Variants in CFTR observed in about 807,000 individuals in gnomAD.
The protein encoded by CFTR is CF transmembrane conductance regulator.
CFTR carries 181 observed loss-of-function variants against 171.6 expected under a neutral mutation model. The observed-to-expected ratio is 1.05, with a 90% CI of 0.93 to 1.19. The LOEUF (loss-of-function observed/expected upper bound fraction) is 1.19. CFTR is among the 50% of genes most tolerant of loss of function. The probability of loss-of-function intolerance (pLI) is 0.00; values close to 1 mark genes in which losing one functional copy is unlikely to be tolerated. For missense variants in CFTR, 1,968 were observed against 1,734.7 expected, an observed-to-expected ratio of 1.13 and a Z score of -2.39; for synonymous variants, 583 against 608.0, an observed-to-expected ratio of 0.96 and a Z score of 0.60.
chr7:117,590,731 T>C (rs1792013481), intron 13 of CFTR, among the ~76,000 whole-genome samples: 1 of 152,094 alleles, frequency 6.6e-6, no homozygotes, highest in Non-Finnish European at 1.5e-5. Flanking sequence ...CCTTGTGATA[T>C]ATATTACTTT....
intron 9 of CFTR, 33 bp from the exon 10 acceptor site, chr7:117,548,608 G>GA (rs1799207266): frequency 3.3e-6 from 2 of 601,882 alleles, no homozygotes; most frequent in African/African-American, 5.8e-5. Flanking sequence ...TATTTTTGAT[G>GA]TGTGTGTGTG....
chr7:117,627,821 C>T, intron 22 of CFTR, 51 bp downstream of exon 22: 1 of 1,582,400 alleles, frequency 6.3e-7, no homozygotes, highest in South Asian at 1.1e-5. Context: ...GTAAGTGAAT[C>T]CCAGTAGCCT....
chr7:117,591,456 G>T (rs1376393522), intron 13 of CFTR, among the ~76,000 whole-genome samples: 1 of 151,984 alleles, frequency 6.6e-6, no homozygotes, highest in African/African-American at 2.4e-5. Flanking sequence ...TAGTGAAACA[G>T]ATTAGTCTTA....
chr7:117,612,035 A>ATG lies in CFTR; in HGVS notation c.3367+228_3367+229insGT, dbSNP rs1389547129. Among the ~76,000 whole-genome samples, 22 of 74,236 alleles carry ATG rather than the reference A, an allele frequency of 3.0e-4. 1 individual carries two copies. The highest frequency in any genetic ancestry group is 4.7e-4 in the Non-Finnish European group (17 of 36,032). 48.7% of individuals were successfully genotyped at this position (74,236 alleles called of 152,430 possible). On this transcript the variant is annotated intron_variant, in intron 20 of 26. Transcript: ENST00000003084. ...TATATATATATATGTATATATATAT[A>ATG]TATATATATATATATATACATATAT...
Position 117,663,275 on chromosome 7 carries a change from C to T in CFTR, c.3964-1413C>T, listed in dbSNP as rs528797792. Among the ~76,000 whole-genome samples, 4 of 152,264 alleles carry T rather than the reference C, an allele frequency of 2.6e-5. No individual in the cohort carries two copies. Among genetic ancestry groups the T allele is most frequent in the Non-Finnish European group, 4.4e-5 (3 of 68,006 alleles). ...AACTCCCTGCCCAGTGCCCTTTATTCATATTCTCAGCACTTGTATTTCTAA... is the reference window on the plus strand; with the variant it reads ...AACTCCCTGCCCAGTGCCCTTTATTTATATTCTCAGCACTTGTATTTCTAA... On this transcript the variant is annotated intron_variant, in intron 24 of 26. Coordinates refer to ENST00000003084, the MANE Select transcript of CFTR (RefSeq NM_000492.4).
At chr7:117,622,259 T>C (rs1430130449) in intron 21 of CFTR, among the ~76,000 whole-genome samples, 2 of 152,188 alleles carry the variant, frequency 1.3e-5, no homozygotes, top group Non-Finnish European at 2.9e-5. Context: ...TGTGGAAACA[T>C]AGACCAGAGT....
rs397508724 is a variant in CFTR, at chr7:117,531,097, A to G, written c.472A>G (p.Ser158Gly). The G allele has an allele frequency of 4.3e-6, 7 of 1,612,728 alleles. No homozygotes were observed. The highest frequency in any genetic ancestry group is 1.3e-5 in the African/African-American group (1 of 74,912). ...IGMQMRIAMF[S>G]LIYKKTLKLS... is the part of the protein sequence containing the mutation. Reference sequence around the variant, plus strand: ...AATGCAGATGAGAATAGCTATGTTTAGTTTGATTTATAAGAAGGTAATACT... The same window carrying G: ...AATGCAGATGAGAATAGCTATGTTTGGTTTGATTTATAAGAAGGTAATACT... The change falls in exon 4 of 27, where the codon AGT becomes GGT. Residue 158 changes from serine (S) to glycine (G), a missense_variant. Coordinates refer to ENST00000003084, the MANE Select transcript of CFTR (RefSeq NM_000492.4).
chr7:117,542,738 A>C (rs556883938), intron 9 of CFTR, among the ~76,000 whole-genome samples: 2 of 152,264 alleles, frequency 1.3e-5, no homozygotes, highest in East Asian at 3.9e-4. Context: ...AATCTAAGTC[A>C]AGTTACTGAA....
intron 14 of CFTR, among the ~76,000 whole-genome samples, chr7:117,593,706 C>T (rs1224695141): frequency 1.3e-5 from 2 of 152,146 alleles, no homozygotes; most frequent in East Asian, 3.9e-4. Context: ...AGCTAATCTC[C>T]TGCCTCAGCC....
intron 22 of CFTR, among the ~76,000 whole-genome samples, chr7:117,637,564 C>T (rs1442964087): frequency 6.6e-6 from 1 of 151,978 alleles, no homozygotes; most frequent in African/African-American, 2.4e-5. Context: ...CTTTTGAGGG[C>T]AGGCATTGTT....
intron 23 of CFTR, among the ~76,000 whole-genome samples, chr7:117,646,816 A>G (rs1435954079): frequency 6.6e-6 from 1 of 152,092 alleles, no homozygotes; most frequent in Non-Finnish European, 1.5e-5. Context: ...GTACAATGCA[A>G]TTTTATTATT....
chr7:117,567,793 C>T (rs577928587), intron 11 of CFTR, among the ~76,000 whole-genome samples: 1 of 152,214 alleles, frequency 6.6e-6, no homozygotes, highest in African/African-American at 2.4e-5. Flanking sequence ...AATCCCTGTC[C>T]TCAAGGAGCT....
chr7:117,538,291 G>C (rs965069858), intron 7 of CFTR, among the ~76,000 whole-genome samples: 1 of 152,136 alleles, frequency 6.6e-6, no homozygotes, highest in East Asian at 1.9e-4. Flanking sequence ...GCTGTGCAAA[G>C]CTCTCTGAAA....
chr7:117,558,084 A>G (rs917217430), intron 10 of CFTR, among the ~76,000 whole-genome samples: 13 of 151,838 alleles, frequency 8.6e-5, no homozygotes, highest in Non-Finnish European at 1.5e-5. Flanking sequence ...CTAATTTTGT[A>G]AATTTGTTTC....
chr7:117,663,422 T>C (rs1347893243), intron 24 of CFTR, among the ~76,000 whole-genome samples: 1 of 151,888 alleles, frequency 6.6e-6, no homozygotes, highest in African/African-American at 2.4e-5. Flanking sequence ...CAAGGTGAGA[T>C]TACTTTAATG....
At chr7:117,520,368 A>G (rs1798667209) in intron 3 of CFTR, among the ~76,000 whole-genome samples, 1 of 147,238 alleles carries the variant, frequency 6.8e-6, no homozygotes, top group Non-Finnish European at 1.5e-5. Flanking sequence ...TTATTCTTTT[A>G]TAAAGGCCCA....
chr7:117,611,389 A>G (rs1294161586), intron 19 of CFTR, among the ~76,000 whole-genome samples, 192 bp from the exon 20 acceptor site: 1 of 152,174 alleles, frequency 6.6e-6, no homozygotes, highest in Non-Finnish European at 1.5e-5. Context: ...AAGTAAAAAA[A>G]GAGGGTAACT....
chr7:117,592,573 G>T lies in CFTR; in HGVS notation c.2406G>T (p.Leu802Phe). 6.6e-7 allele frequency: 1 copy of T among 1,524,472 alleles called. No homozygotes were observed. Among genetic ancestry groups the T allele is most frequent in the South Asian group, 1.3e-5 (1 of 74,214 alleles). 94.4% of individuals were successfully genotyped at this position (1,524,472 alleles called of 1,614,324 possible). A position where few individuals can be genotyped will look rare whatever the true frequency, so the allele number is the denominator to read the frequency against. ...RKVSLAPQAN[L>F]TELDIYSRRL... ...TGTCACTGGCCCCTCAGGCAAACTT[G>T]ACTGAACTGGATATATATTCAAGAA... The change falls in exon 14 of 27, where the codon TTG becomes TTT. Residue 802 changes from leucine to phenylalanine, a missense_variant. By Grantham distance (22) the Leu-to-Phe change is conservative. Transcript: ENST00000003084.
chr7:117,536,511 A>T (rs1370458201), intron 6 of CFTR, 37 bp from the exon 7 acceptor site: 1 of 1,536,214 alleles, frequency 6.5e-7, no homozygotes, highest in Non-Finnish European at 8.8e-7. Flanking sequence ...TGTTTTTACT[A>T]TTAGATTGAT....
Sources: allele counts gnomAD v4.1 joint callset (sites outside exome capture counted in the v4.1 genomes callset), GRCh38; gene constraint gnomAD v4.1.1; transcripts MANE v1.5; gene names NCBI Gene and HGNC (gene_info 2026-07-23, HGNC 2026-07-21).